Variants in PKHD1 observed in about 807,000 individuals in gnomAD.
PKHD1 encodes the protein PKHD1 ciliary IPT domain containing fibrocystin/polyductin, also known as fibrocystin.
A neutral mutation model predicts 412.0 loss-of-function variants in PKHD1; 291 were observed. The ratio of observed to expected loss-of-function variants is 0.71; its 90% CI spans 0.64 to 0.78. The LOEUF is 0.78. PKHD1 is among the 30% of genes least tolerant of loss of function. The pLI is 0.00. For missense variants in PKHD1, 4,825 were observed against 4,950.7 expected, an observed-to-expected ratio of 0.97 and a Z score of 0.76; for synonymous variants, 1,777 against 1,821.5, an observed-to-expected ratio of 0.98 and a Z score of 0.62.
intron 35 of PKHD1, 97 bp from the exon 36 acceptor site, chr6:51,960,123 T>C: frequency 2.6e-6 from 3 of 1,174,984 alleles, no homozygotes; most frequent in Non-Finnish European, 3.8e-6. Context: ...TGTTGGTTCA[T>C]TCATTGTTTT....
chr6:51,784,125 T>G (rs1450409349), intron 53 of PKHD1, among the ~76,000 whole-genome samples: 3 of 152,150 alleles, frequency 2.0e-5, no homozygotes, highest in Admixed American at 2.0e-4. Context: ...GGACACTAAT[T>G]AAAACATGCT....
At chr6:51,708,530 A>AT in intron 60 of PKHD1, among the ~76,000 whole-genome samples, 1 of 152,112 alleles carries the variant, frequency 6.6e-6, no homozygotes, top group Non-Finnish European at 1.5e-5. Flanking sequence ...ACTCCTTAAC[A>AT]TGGGTTATTA....
chr6:51,952,935 T>C (rs1790570715), intron 36 of PKHD1, among the ~76,000 whole-genome samples: 1 of 152,092 alleles, frequency 6.6e-6, no homozygotes, highest in Admixed American at 6.6e-5. Context: ...TAGAGGTTTA[T>C]ACAAGACATT....
intron 29 of PKHD1, among the ~76,000 whole-genome samples, chr6:52,030,709 G>A (rs1802912614): frequency 6.6e-6 from 1 of 152,110 alleles, no homozygotes; most frequent in African/African-American, 2.4e-5. Context: ...GGGGGGTTCT[G>A]TGTCCAGATG....
intron 60 of PKHD1, among the ~76,000 whole-genome samples, chr6:51,661,144 G>A (rs1772791667): frequency 6.6e-6 from 1 of 152,096 alleles, no homozygotes; most frequent in East Asian, 1.9e-4. Context: ...GGGCTTCTGT[G>A]TCAGCAACCA....
In PKHD1 at chr6:51,719,713, A is replaced by G. The variant is rs1781683655; in HGVS notation, c.10156+24672T>C. On this transcript the variant is annotated intron_variant, in intron 60 of 66. Transcript: ENST00000371117. ...TAATTTTCCAATCTATAATTTGACA[A>G]ATTATATTATATATTGTACAATAAA... Among the ~76,000 whole-genome samples, 3 of 152,306 alleles carry G rather than the reference A, an allele frequency of 2.0e-5. No individual in the cohort carries two copies. The South Asian group carries it at 6.2e-4, about 32-fold the overall frequency.
At chr6:51,619,714 A>C (rs1766373568) in intron 66 of PKHD1, among the ~76,000 whole-genome samples, 194 bp from the exon 67 acceptor site, 1 of 151,636 alleles carries the variant, frequency 6.6e-6, no homozygotes, top group African/African-American at 2.4e-5. Flanking sequence ...CTTCCTCAAA[A>C]AATACTTACA....
At chr6:51,764,714 T>G (rs2151083834) in intron 55 of PKHD1, among the ~76,000 whole-genome samples, 1 of 152,268 alleles carries the variant, frequency 6.6e-6, no homozygotes, top group Non-Finnish European at 1.5e-5. Context: ...ATTGCCAATG[T>G]ATGTGGCCCT....
chr6:51,787,877 A>C (rs1793135150), intron 53 of PKHD1, among the ~76,000 whole-genome samples: 1 of 152,210 alleles, frequency 6.6e-6, no homozygotes, highest in African/African-American at 2.4e-5. Context: ...AATCTTAGCA[A>C]TAAAAGATAT....
intron 55 of PKHD1, among the ~76,000 whole-genome samples, chr6:51,757,092 C>G (rs1379494449): frequency 6.6e-6 from 1 of 152,174 alleles, no homozygotes; most frequent in African/African-American, 2.4e-5. Flanking sequence ...CACTCACTTC[C>G]TGCTGTGCGT....
rs1227939696 is a variant in PKHD1 at position 51,827,485 on chromosome 6, T to G, written c.8302+3376A>C. Among the ~76,000 whole-genome samples the G allele has an allele frequency of 6.6e-5, 10 of 152,120 alleles. 1 individual carries two copies. Among genetic ancestry groups the G allele is most frequent in the African/African-American group, 2.2e-4 (9 of 41,436 alleles). On this transcript the variant is annotated intron_variant, in intron 52 of 66. Coordinates refer to ENST00000371117, the MANE Select transcript of PKHD1 (RefSeq NM_138694.4). ...ACCGTTGTAAATGTCAGAAGCCAAA[T>G]GTGAACCCCAGGTTTATCCTAGTCG...
chr6:51,730,524 T>G (rs1783112648), intron 60 of PKHD1, among the ~76,000 whole-genome samples: 1 of 152,246 alleles, frequency 6.6e-6, no homozygotes, highest in Non-Finnish European at 1.5e-5. Context: ...CTGAATCTAT[T>G]TCCGACTTTT....
chr6:52,045,204 T>C, intron 24 of PKHD1, 116 bp from the exon 25 acceptor site: 1 of 989,776 alleles, frequency 1.0e-6, no homozygotes, highest in Non-Finnish European at 1.6e-6. Context: ...AGCTAGAAAG[T>C]GAAAGCAGAG....
At chr6:51,798,602 CG>C (rs370469617) in intron 52 of PKHD1, among the ~76,000 whole-genome samples, 13 of 152,150 alleles carry the variant, frequency 8.5e-5, no homozygotes, top group African/African-American at 3.1e-4. Context: ...TATGTGTCTA[CG>C]GAATGATCTT....
intron 60 of PKHD1, among the ~76,000 whole-genome samples, chr6:51,680,766 C>T (rs1203673056): frequency 6.6e-6 from 1 of 151,948 alleles, no homozygotes; most frequent in African/African-American, 2.4e-5. Flanking sequence ...CATATTTAAA[C>T]TTCCAGACTA....
At chr6:51,624,096 C>T (rs1359956396) in intron 66 of PKHD1, among the ~76,000 whole-genome samples, 1 of 151,686 alleles carries the variant, frequency 6.6e-6, no homozygotes, top group Non-Finnish European at 1.5e-5. Flanking sequence ...TATTATGTTG[C>T]CCAGGTTGGA....
intron 3 of PKHD1, 35 bp downstream of exon 3, chr6:52,083,143 A>G (rs772790884): frequency 3.0e-6 from 4 of 1,343,188 alleles, no homozygotes; most frequent in African/African-American, 1.4e-5. Flanking sequence ...GGGTCAATAC[A>G]TAAGAAATGT....
intron 48 of PKHD1, among the ~76,000 whole-genome samples, chr6:51,857,109 A>G (rs1408409723): frequency 6.6e-6 from 1 of 152,212 alleles, no homozygotes; most frequent in Non-Finnish European, 1.5e-5. Context: ...CAGCCATCCC[A>G]GAAAATGATT....
intron 13 of PKHD1, 70 bp downstream of exon 13, chr6:52,064,885 T>TTTCTA: frequency 1.4e-6 from 1 of 690,850 alleles, no homozygotes; most frequent in East Asian, 3.7e-5. Flanking sequence ...AACACTTTTA[T>TTTCTA]TTCTACTCGC....
Sources: allele counts gnomAD v4.1 joint callset (sites outside exome capture counted in the v4.1 genomes callset), GRCh38; gene constraint gnomAD v4.1.1; transcripts MANE v1.5; gene names NCBI Gene and HGNC (gene_info 2026-07-23, HGNC 2026-07-21).